BBOX1: variants seen among roughly 807,000 people sequenced by gnomAD.
The protein encoded by BBOX1 is gamma-butyrobetaine hydroxylase 1, also known as gamma-butyrobetaine dioxygenase.
In BBOX1, 35 loss-of-function variants were observed where a neutral mutation model predicts 41.6. The observed-to-expected ratio is 0.84, with a 90% CI of 0.64 to 1.11. BBOX1 has a LOEUF of 1.11. Ranked by LOEUF, BBOX1 falls within the 50% of genes most tolerant of loss-of-function variation. BBOX1 has a pLI of 0.00. For missense variants in BBOX1, 458 were observed against 460.6 expected, an observed-to-expected ratio of 0.99 and a Z score of 0.05; for synonymous variants, 163 against 154.7, an observed-to-expected ratio of 1.05 and a Z score of -0.40.
At position 27,119,856 on chromosome 11, in the gene BBOX1, T is replaced by C; in HGVS notation, c.836+11T>C. The C allele has an allele frequency of 7.4e-7, 1 of 1,343,180 alleles. No individual in the cohort carries two copies. The highest frequency in any genetic ancestry group is 9.8e-7 in the Non-Finnish European group (1 of 1,023,358). 83.2% of individuals were successfully genotyped at this position (1,343,180 alleles called of 1,614,324 possible). On this transcript the variant is annotated intron_variant, in intron 7 of 8. Coordinates refer to ENST00000263182, the MANE Select transcript of BBOX1 (RefSeq NM_003986.3). ...ACATAAAATTATAGAGTAAGTACTA[T>C]TTATAAATTTCCCATAGCAATAAAA...
chr11:27,057,948 AAAG>A (rs1857035873), intron 4 of BBOX1, among the ~76,000 whole-genome samples: 1 of 152,156 alleles, frequency 6.6e-6, no homozygotes, highest in Admixed American at 6.5e-5. Flanking sequence ...ATTGCTGAGC[AAAG>A]AAGCAAAATA....
chr11:27,117,848 A>C (rs1859323086), intron 6 of BBOX1, among the ~76,000 whole-genome samples: 1 of 152,032 alleles, frequency 6.6e-6, no homozygotes, highest in Admixed American at 6.6e-5. Context: ...GGTAGACAAG[A>C]TTGATCATGT....
intron 5 of BBOX1, among the ~76,000 whole-genome samples, chr11:27,105,314 G>A (rs781289794): frequency 1.3e-5 from 2 of 152,030 alleles, no homozygotes; most frequent in East Asian, 1.9e-4. Context: ...GAGGAAGTTC[G>A]AACCCATCGC....
chr11:27,043,418 C>CATGGGCAGAATGTGCAG (rs1482284669), intron 2 of BBOX1, among the ~76,000 whole-genome samples: 1 of 150,150 alleles, frequency 6.7e-6, no homozygotes, highest in South Asian at 2.1e-4. Context: ...AGAATGTGCA[C>CATGGGCAGAATGTGCAG]GTTTGGGGTA....
chr11:27,087,227 C>T (rs1858075983), intron 4 of BBOX1, among the ~76,000 whole-genome samples: 1 of 152,076 alleles, frequency 6.6e-6, no homozygotes, highest in South Asian at 2.1e-4. Context: ...TGCTATCAAA[C>T]AGCATCACAT....
chr11:27,088,965 A>C (rs1423116538), intron 4 of BBOX1, among the ~76,000 whole-genome samples: 1 of 151,926 alleles, frequency 6.6e-6, no homozygotes, highest in Non-Finnish European at 1.5e-5. Flanking sequence ...ACTGTACCAA[A>C]CTCCTTTCAT....
chr11:27,091,665 G>C (rs1346627657), intron 4 of BBOX1, among the ~76,000 whole-genome samples: 2 of 151,906 alleles, frequency 1.3e-5, no homozygotes, highest in South Asian at 4.1e-4. Flanking sequence ...AAAGACTGTA[G>C]TTCTTTCAGT....
At chr11:27,084,562 C>A (rs1374582207) in intron 4 of BBOX1, among the ~76,000 whole-genome samples, 1 of 151,954 alleles carries the variant, frequency 6.6e-6, no homozygotes, top group East Asian at 1.9e-4. Flanking sequence ...TTGTCAGGGC[C>A]CCTAGAAGGT....
At chr11:27,073,288 T>C (rs1170881336) in intron 4 of BBOX1, among the ~76,000 whole-genome samples, 2 of 152,234 alleles carry the variant, frequency 1.3e-5, no homozygotes, top group East Asian at 3.8e-4. Context: ...AAGACATTTA[T>C]GCAGCCAACA....
At chr11:27,078,370 C>T (rs192225663) in intron 4 of BBOX1, among the ~76,000 whole-genome samples, 2 of 152,050 alleles carry the variant, frequency 1.3e-5, no homozygotes, top group Non-Finnish European at 1.5e-5. Context: ...ATGTGCACAA[C>T]GTGCAGTTTT....
chr11:27,071,534 G>A (rs1165263343), intron 4 of BBOX1, among the ~76,000 whole-genome samples: 1 of 152,074 alleles, frequency 6.6e-6, no homozygotes, highest in Admixed American at 6.6e-5. Context: ...GAATCATGGG[G>A]GCTGACTTCC....
At chr11:27,064,151 T>C (rs1857214406) in intron 4 of BBOX1, among the ~76,000 whole-genome samples, 1 of 152,118 alleles carries the variant, frequency 6.6e-6, no homozygotes. Context: ...AAGTGTATTG[T>C]TTCACTATTG....
At chr11:27,126,086 T>C (rs957376919) in intron 8 of BBOX1, among the ~76,000 whole-genome samples, 2 of 152,228 alleles carry the variant, frequency 1.3e-5, no homozygotes, top group African/African-American at 4.8e-5. Context: ...CATTAGGCTT[T>C]ACTAGTGGAG....
intron 2 of BBOX1, among the ~76,000 whole-genome samples, chr11:27,053,484 G>A (rs1299293443): frequency 6.6e-6 from 1 of 152,184 alleles, no homozygotes; most frequent in Non-Finnish European, 1.5e-5. Context: ...AAACTGCAAA[G>A]CCTAAAAGAT....
chr11:27,119,440 C>T (rs1305560117), intron 6 of BBOX1, among the ~76,000 whole-genome samples: 2 of 151,570 alleles, frequency 1.3e-5, no homozygotes, highest in African/African-American at 2.4e-5. Flanking sequence ...CAACTTTTTT[C>T]TTCCCAACTC....
At chr11:27,069,925 A>G (rs1442335980) in intron 4 of BBOX1, among the ~76,000 whole-genome samples, 1 of 152,110 alleles carries the variant, frequency 6.6e-6, no homozygotes, top group East Asian at 1.9e-4. Flanking sequence ...GATGTATAGT[A>G]GTCAACATCT....
At chr11:27,125,872 T>G in intron 8 of BBOX1, 52 bp downstream of exon 8, 1 of 1,561,884 alleles carries the variant, frequency 6.4e-7, no homozygotes. Flanking sequence ...TTCTTCAACC[T>G]TAACCACCTA....
At chr11:27,099,822 CT>C (rs1312760249) in intron 5 of BBOX1, among the ~76,000 whole-genome samples, 1 of 152,068 alleles carries the variant, frequency 6.6e-6, no homozygotes, top group Non-Finnish European at 1.5e-5. Context: ...CTTTGAGGTC[CT>C]TGGGTGAAAG....
intron 6 of BBOX1, among the ~76,000 whole-genome samples, chr11:27,116,798 T>C (rs1859280831): frequency 6.6e-6 from 1 of 151,976 alleles, no homozygotes; most frequent in Non-Finnish European, 1.5e-5. Flanking sequence ...AAGGAAGTAA[T>C]AAATCTAGCC....
Sources: gnomAD v4.1 joint callset for allele counts (sites outside exome capture counted in the v4.1 genomes callset) on GRCh38, gnomAD v4.1.1 for gene constraint, MANE v1.5 for transcripts, NCBI Gene and HGNC (gene_info 2026-07-23, HGNC 2026-07-21) for gene names.